Variants in SASH1 observed in about 807,000 individuals in gnomAD.
SASH1 encodes SAM and SH3 domain-containing protein 1.
Under a neutral mutation model 125.2 loss-of-function variants are expected in SASH1, and 44 were observed. That is an observed-to-expected ratio of 0.35 (90% CI 0.28 to 0.45). The LOEUF (loss-of-function observed/expected upper bound fraction) is 0.45. Ranked by LOEUF, SASH1 falls within the 20% of genes least tolerant of loss-of-function variation. The pLI is 1.00. For synonymous variants in SASH1, 639 were observed against 649.1 expected (o/e 0.98, Z 0.24); for missense variants, 1,426 against 1,614.5 (o/e 0.88, Z 2.00).
At chr6:148,351,686 G>T (rs185595463) in intron 1 of SASH1, among the ~76,000 whole-genome samples, 2 of 129,500 alleles carry the variant, frequency 1.5e-5, no homozygotes, top group South Asian at 2.5e-4. Context: ...CCTTAATCTA[G>T]TAGGACCTAG....
rs1183253285 is a variant in SASH1 at position 148,540,497 on chromosome 6, T to G, written c.2150T>G (p.Leu717Arg). ...QEKLLVDSQGLSGCSPRDSGC... is the reference protein window; with the variant it reads ...QEKLLVDSQGRSGCSPRDSGC... ...AAGCTGCTCGTTGACAGCCAGGGCC[T>G]GAGTGGATGCTCACCCCGAGACTCA... is the stretch of plus-strand genomic sequence containing the variant. The change falls in exon 17 of 20, where the codon CTG (leucine) becomes CGG (arginine). Residue 717 changes from leucine to arginine, a missense_variant. By Grantham distance (102) the Leu-to-Arg change is moderately radical. Around this residue, in one of 3 missense-constraint regions of SASH1, gnomAD observed 634 missense variants for 694.4 expected, o/e 0.91. Coordinates refer to ENST00000367467, the MANE Select transcript of SASH1 (RefSeq NM_015278.5). The G allele has an allele frequency of 6.2e-7, 1 of 1,613,980 alleles. No individual in the cohort carries two copies.
the SASH1 span, among the ~76,000 whole-genome samples, chr6:148,250,047 C>A: frequency 6.6e-6 from 1 of 152,156 alleles, no homozygotes; most frequent in Non-Finnish European, 1.5e-5. Context: ...AATACTTGCC[C>A]AAAGCCACAC....
At chr6:148,440,083 A>G in intron 2 of SASH1, 101 bp from the exon 3 acceptor site, 1 of 1,107,908 alleles carries the variant, frequency 9.0e-7, no homozygotes. Flanking sequence ...CTATACCCCA[A>G]CCTTTCCCGA....
At chr6:148,356,056 C>T (rs1003073837) in intron 1 of SASH1, among the ~76,000 whole-genome samples, 48 of 148,592 alleles carry the variant, frequency 3.2e-4, no homozygotes, top group African/African-American at 1.1e-3. Flanking sequence ...CCCCAAAGTC[C>T]ATTGTATCAT....
chr6:148,231,457 T>A, the SASH1 span, among the ~76,000 whole-genome samples: 3 of 152,208 alleles, frequency 2.0e-5, no homozygotes, highest in African/African-American at 7.2e-5. Context: ...TTTCCTAATC[T>A]GAGTCCATTG....
chr6:148,452,403 G>A (rs983209404), intron 4 of SASH1, among the ~76,000 whole-genome samples: 1 of 152,232 alleles, frequency 6.6e-6, no homozygotes, highest in Admixed American at 6.5e-5. Context: ...GGTCCTTCTA[G>A]CTCAGGCCAT....
At chr6:148,359,508 A>G (rs1292708968) in intron 1 of SASH1, among the ~76,000 whole-genome samples, 11 of 152,080 alleles carry the variant, frequency 7.2e-5, no homozygotes, top group Admixed American at 7.2e-4. Flanking sequence ...TGGATGAGTA[A>G]AGAAAGTGGT....
chr6:148,311,375 G>A (rs1156965987), intron 1 of SASH1, among the ~76,000 whole-genome samples: 1 of 151,804 alleles, frequency 6.6e-6, no homozygotes, highest in African/African-American at 2.4e-5. Context: ...AAAGTGCTGG[G>A]ATTACAGGCA....
chr6:148,298,667 G>GAGGA (rs71031057), intron 1 of SASH1, among the ~76,000 whole-genome samples: 3,459 of 55,578 alleles, frequency 0.062, 234 homozygotes, highest in East Asian at 0.078. Context: ...GGGAGGGAGG[G>GAGGA]AGGAAGGAAG....
At chr6:148,385,802 C>T (rs1278896093) in intron 1 of SASH1, among the ~76,000 whole-genome samples, 1 of 152,130 alleles carries the variant, frequency 6.6e-6, no homozygotes, top group Admixed American at 6.5e-5. Context: ...GCTCCGACAC[C>T]CTTCCTCAAT....
chr6:148,290,100 T>C (rs1779589737), intron 1 of SASH1, among the ~76,000 whole-genome samples: 1 of 151,058 alleles, frequency 6.6e-6, no homozygotes, highest in Non-Finnish European at 1.5e-5. Context: ...ACTCCTGACC[T>C]CAGTTGATCC....
Position 148,472,763 on chromosome 6 carries a change from A to G in SASH1, c.514+1260A>G, listed in dbSNP as rs143766359. Among the ~76,000 whole-genome samples, 3 of 152,328 alleles carry G rather than the reference A, an allele frequency of 2.0e-5. No individual in the cohort carries two copies. In the East Asian group the frequency reaches 5.8e-4, roughly 29 times the overall value. ...GGAAATACAGGGCAACATAAATTCC[A>G]AAGTCAGCCGTGCCTGAAATGGTTT... On this transcript the variant is annotated intron_variant, in intron 6 of 19. Transcript: ENST00000367467.
intron 7 of SASH1, among the ~76,000 whole-genome samples, chr6:148,486,531 G>A (rs951000706): frequency 1.3e-5 from 2 of 151,978 alleles, no homozygotes; most frequent in Non-Finnish European, 2.9e-5. Context: ...ATCCTCAAAG[G>A]TCTCCAATAA....
chr6:148,255,389 G>C, the SASH1 span, among the ~76,000 whole-genome samples: 1 of 152,096 alleles, frequency 6.6e-6, no homozygotes, highest in African/African-American at 2.4e-5. Context: ...TTGGATTAGG[G>C]CTCCCAACCC....
chr6:148,312,439 T>C (rs1780355599), intron 1 of SASH1, among the ~76,000 whole-genome samples: 1 of 152,050 alleles, frequency 6.6e-6, no homozygotes, highest in South Asian at 2.1e-4. Flanking sequence ...GCCTAGGAGT[T>C]TGAGGCTGCA....
At chr6:148,487,514 C>A in intron 7 of SASH1, 100 bp from the exon 8 acceptor site, 1 of 825,548 alleles carries the variant, frequency 1.2e-6, no homozygotes, top group Non-Finnish European at 2.0e-6. Context: ...AGATTATGAA[C>A]CAGGAACCTA....
At chr6:148,531,967 G>A (rs560360202) in intron 13 of SASH1, among the ~76,000 whole-genome samples, 6 of 152,248 alleles carry the variant, frequency 3.9e-5, no homozygotes, top group African/African-American at 1.4e-4. Context: ...AAGATGACCA[G>A]CAAAATAAAG....
intron 2 of SASH1, among the ~76,000 whole-genome samples, chr6:148,399,413 A>G (rs1784088126): frequency 6.6e-6 from 1 of 151,824 alleles, no homozygotes; most frequent in Non-Finnish European, 1.5e-5. Context: ...TTTAGTAGAG[A>G]TGAGGTTTCA....
At chr6:148,420,535 A>G (rs1225197675) in intron 2 of SASH1, among the ~76,000 whole-genome samples, 2 of 152,168 alleles carry the variant, frequency 1.3e-5, no homozygotes, top group Admixed American at 1.3e-4. Flanking sequence ...TTCCTTCCCC[A>G]GGGAGTTTAC....
Sources: allele counts gnomAD v4.1 joint callset (sites outside exome capture counted in the v4.1 genomes callset), GRCh38; gene constraint gnomAD v4.1.1; regional missense constraint gnomAD v4.1.1; transcripts MANE v1.5; gene names NCBI Gene and HGNC (gene_info 2026-07-23, HGNC 2026-07-21).